Variants in PACRG observed in about 807,000 individuals in gnomAD.
PACRG encodes parkin coregulated.
In PACRG, 29 loss-of-function variants were observed where a neutral mutation model predicts 29.7. The ratio of observed to expected loss-of-function variants is 0.98; its 90% CI spans 0.73 to 1.33. The LOEUF is 1.33. Ranked by LOEUF, PACRG falls within the 40% of genes most tolerant of loss-of-function variation. The probability of loss-of-function intolerance (pLI) is 0.00; values close to 1 mark genes in which losing one functional copy is unlikely to be tolerated. For synonymous variants in PACRG, 116 were observed against 118.7 expected (o/e 0.98, Z 0.15); for missense variants, 279 against 316.2 (o/e 0.88, Z 0.89).
At chr6:162,931,326 C>T (rs2151653) in intron 2 of PACRG, among the ~76,000 whole-genome samples, 80,308 of 151,524 alleles carry the variant, frequency 0.53, 21,997 homozygotes, top group Middle Eastern at 0.7. Flanking sequence ...AAAATGTTTA[C>T]GAGGTCCAGT....
intron 4 of PACRG, among the ~76,000 whole-genome samples, chr6:163,185,138 G>T (rs774290831): frequency 6.6e-6 from 1 of 152,114 alleles, no homozygotes; most frequent in Non-Finnish European, 1.5e-5. Flanking sequence ...ATGGGGAAAG[G>T]ATCTAACCAC....
chr6:163,215,663 G>T (rs965213590), intron 4 of PACRG, among the ~76,000 whole-genome samples: 2 of 152,176 alleles, frequency 1.3e-5, no homozygotes, highest in Non-Finnish European at 2.9e-5. Flanking sequence ...CCACATGCAT[G>T]ACTGTGGTGG....
At chr6:163,312,825 T>C (rs1785483215) in intron 4 of PACRG, 1 of 430,682 alleles carries the variant, frequency 2.3e-6, no homozygotes, top group African/African-American at 2.1e-5. Flanking sequence ...CGATCATGGC[T>C]CGTTGCAACC....
chr6:162,938,400 C>T (rs1043352738), intron 2 of PACRG, among the ~76,000 whole-genome samples: 5 of 152,302 alleles, frequency 3.3e-5, no homozygotes, highest in African/African-American at 1.2e-4. Flanking sequence ...ACTTCTTTTC[C>T]TCTGGGTAGA....
chr6:163,178,108 C>T (rs1034119880), intron 4 of PACRG, among the ~76,000 whole-genome samples: 5 of 152,144 alleles, frequency 3.3e-5, no homozygotes, highest in African/African-American at 9.7e-5. Context: ...AGGAGAAACA[C>T]GAGGCCAGCT....
intron 4 of PACRG, among the ~76,000 whole-genome samples, chr6:163,179,673 C>T (rs1292056321): frequency 2.0e-5 from 3 of 150,114 alleles, no homozygotes; most frequent in African/African-American, 7.4e-5. Flanking sequence ...TGTGCCACTG[C>T]ACTCCAGCCG....
intron 2 of PACRG, among the ~76,000 whole-genome samples, chr6:163,054,749 C>T (rs1810391614): frequency 6.6e-6 from 1 of 152,160 alleles, no homozygotes; most frequent in African/African-American, 2.4e-5. Flanking sequence ...TTTGGGGCTT[C>T]CCACCAGCCA....
At chr6:163,226,652 A>G (rs1397822217) in intron 4 of PACRG, among the ~76,000 whole-genome samples, 1 of 152,126 alleles carries the variant, frequency 6.6e-6, no homozygotes, top group African/African-American at 2.4e-5. Context: ...TGCTGGAGGA[A>G]GGGGTAACCT....
rs115808144 is a variant in PACRG, at chr6:162,989,079, C to A, written c.292-73071C>A. ...GTCCAGTGCTACTACTCTGGCAAGA[C>A]ATGAACCAAGCAATGGCAGTGAGAA... On this transcript the variant is annotated intron_variant, in intron 2 of 4. Coordinates refer to ENST00000366888, the MANE Select transcript of PACRG (RefSeq NM_001080379.2). Among the ~76,000 whole-genome samples the A allele has an allele frequency of 7.1e-3, 1,082 of 152,286 alleles. 12 individuals are homozygous for A. Among genetic ancestry groups the A allele is most frequent in the African/African-American group, 0.025 (1,038 of 41,566 alleles).
intron 1 of PACRG, among the ~76,000 whole-genome samples, chr6:162,744,205 A>G (rs1780811752): frequency 6.6e-6 from 1 of 152,188 alleles, no homozygotes; most frequent in African/African-American, 2.4e-5. Flanking sequence ...GTTCCTATGA[A>G]AACTTGAAAA....
At chr6:162,925,012 A>G (rs1277704731) in intron 2 of PACRG, among the ~76,000 whole-genome samples, 1 of 152,194 alleles carries the variant, frequency 6.6e-6, no homozygotes, top group Non-Finnish European at 1.5e-5. Context: ...AGAAATACCC[A>G]CAATCAGAGA....
chr6:163,143,343 C>A (rs1026654216), intron 4 of PACRG, among the ~76,000 whole-genome samples: 3 of 152,204 alleles, frequency 2.0e-5, no homozygotes, highest in Non-Finnish European at 4.4e-5. Context: ...TGGTGTCCAC[C>A]ATGGCTTCGT....
intron 4 of PACRG, chr6:163,185,058 A>T (rs529381169): frequency 6.6e-6 from 1 of 152,334 alleles, no homozygotes; most frequent in East Asian, 1.9e-4. Flanking sequence ...AATTAGCAGA[A>T]ACCAAAAAGT....
intron 2 of PACRG, among the ~76,000 whole-genome samples, chr6:162,843,449 C>T (rs1485150491): frequency 1.4e-5 from 2 of 138,008 alleles, no homozygotes; most frequent in Admixed American, 7.5e-5. Context: ...TCAGCTCCAT[C>T]AGCTCCTTTA....
chr6:163,145,734 G>A (rs1777770309), intron 4 of PACRG, among the ~76,000 whole-genome samples: 1 of 152,174 alleles, frequency 6.6e-6, no homozygotes, highest in African/African-American at 2.4e-5. Context: ...TGACGGGCAT[G>A]GAAGTTTTGG....
At chr6:162,865,906 C>A (rs1202518891) in intron 2 of PACRG, among the ~76,000 whole-genome samples, 2 of 151,928 alleles carry the variant, frequency 1.3e-5, no homozygotes, top group Non-Finnish European at 2.9e-5. Context: ...CAGTAAATAG[C>A]TAGCCAAGTT....
chr6:162,921,484 C>T (rs1797060366), intron 2 of PACRG, among the ~76,000 whole-genome samples: 1 of 152,048 alleles, frequency 6.6e-6, no homozygotes, highest in Non-Finnish European at 1.5e-5. Flanking sequence ...GTTTTGCTTC[C>T]TCTTCTTGAC....
chr6:162,919,536 C>T (rs1796922297), intron 2 of PACRG, among the ~76,000 whole-genome samples: 1 of 152,066 alleles, frequency 6.6e-6, no homozygotes, highest in Admixed American at 6.6e-5. Flanking sequence ...GAGGCCAGTA[C>T]AATTATTAGA....
chr6:163,108,258 C>T (rs1037454519), intron 4 of PACRG, among the ~76,000 whole-genome samples: 1 of 152,134 alleles, frequency 6.6e-6, no homozygotes, highest in African/African-American at 2.4e-5. Context: ...TTGCTCTCTT[C>T]CTCCTGCTCC....
Sources: allele counts gnomAD v4.1 joint callset (sites outside exome capture counted in the v4.1 genomes callset), GRCh38; gene constraint gnomAD v4.1.1; transcripts MANE v1.5; gene names NCBI Gene and HGNC (gene_info 2026-07-23, HGNC 2026-07-21).